RASGRP3: variants seen among roughly 807,000 people sequenced by gnomAD.
RASGRP3 encodes the protein ras guanyl-releasing protein 3.
Under a neutral mutation model 82.7 loss-of-function variants are expected in RASGRP3, and 54 were observed. That is an observed-to-expected ratio of 0.65 (90% CI 0.52 to 0.82). RASGRP3 has a LOEUF of 0.82. Ranked by LOEUF, RASGRP3 falls within the 40% of genes least tolerant of loss-of-function variation. The probability of loss-of-function intolerance (pLI) is 0.00; values close to 1 mark genes in which losing one functional copy is unlikely to be tolerated. For missense variants in RASGRP3, 861 were observed against 828.9 expected (o/e 1.04, Z -0.48); for synonymous variants, 309 against 300.5 (o/e 1.03, Z -0.29).
At chr2:33,524,611 T>C (rs758159889) in intron 9 of RASGRP3, 63 bp downstream of exon 9, 35 of 1,242,726 alleles carry the variant, frequency 2.8e-5, no homozygotes, top group Non-Finnish European at 4.0e-5. Flanking sequence ...TCAGGTTTAG[T>C]ATACGCCTAA....
At chr2:33,547,448 G>C (rs1337879690) in intron 13 of RASGRP3, among the ~76,000 whole-genome samples, 1 of 132,968 alleles carries the variant, frequency 7.5e-6, no homozygotes, top group Non-Finnish European at 1.5e-5. Context: ...AGGTAAGAAA[G>C]GGATCTTAAG....
intron 12 of RASGRP3, chr2:33,539,461 A>T: frequency 2.9e-6 from 1 of 348,610 alleles, no homozygotes; most frequent in South Asian, 6.6e-5. Flanking sequence ...TTTCACAGGC[A>T]TTTGCCACCT....
rs182999059 is a variant in RASGRP3, at chr2:33,510,216, A to T, written c.-260-1494A>T. Reference sequence around the variant, plus strand: ...GGAAGGATCTTCAAGAAATTCTTTTATCTTGGAATAGAGACAATGTGATAG... The same window carrying T: ...GGAAGGATCTTCAAGAAATTCTTTTTTCTTGGAATAGAGACAATGTGATAG... On this transcript the variant is annotated intron_variant, in intron 1 of 17. Transcript: ENST00000403687. Among the ~76,000 whole-genome samples, 1,437 of 152,354 alleles carry T rather than the reference A, an allele frequency of 9.4e-3. 19 individuals carry two copies. The highest frequency in any genetic ancestry group is 0.033 in the African/African-American group (1,384 of 41,582).
upstream of RASGRP3, among the ~76,000 whole-genome samples, chr2:33,472,630 G>A (rs925301831): frequency 1.3e-5 from 2 of 152,248 alleles, no homozygotes; most frequent in South Asian, 2.1e-4. Context: ...CCATGGGAGA[G>A]CTTTTCAAGG....
intron 1 of RASGRP3, among the ~76,000 whole-genome samples, chr2:33,508,812 A>G (rs1027135585): frequency 6.6e-6 from 1 of 152,178 alleles, no homozygotes; most frequent in African/African-American, 2.4e-5. Context: ...GAGGAAGTTT[A>G]GTGTTCCTTG....
At chr2:33,461,431 C>T (rs1004643934) in intron 2 of RASGRP3, among the ~76,000 whole-genome samples, 10 of 152,142 alleles carry the variant, frequency 6.6e-5, no homozygotes, top group Non-Finnish European at 1.2e-4. Context: ...GGTGCCGTCA[C>T]GACACTCAGC....
At chr2:33,506,988 G>T (rs980721890) in intron 1 of RASGRP3, among the ~76,000 whole-genome samples, 1 of 151,992 alleles carries the variant, frequency 6.6e-6, no homozygotes, top group South Asian at 2.1e-4. Context: ...CCTGATTGAA[G>T]AAAATAAAAT....
intron 1 of RASGRP3, among the ~76,000 whole-genome samples, chr2:33,489,938 T>C (rs1668708973): frequency 6.6e-6 from 1 of 152,206 alleles, no homozygotes; most frequent in African/African-American, 2.4e-5. Flanking sequence ...TTCTGGCTTT[T>C]TTCATCTTCA....
At chr2:33,497,663 C>T (rs182548950) in intron 1 of RASGRP3, among the ~76,000 whole-genome samples, 2 of 152,296 alleles carry the variant, frequency 1.3e-5, no homozygotes, top group Non-Finnish European at 2.9e-5. Context: ...ACTGAAATCT[C>T]CTGCTCTTTA....
chr2:33,455,759 A>G (rs1173920847), intron 2 of RASGRP3, among the ~76,000 whole-genome samples: 1 of 152,230 alleles, frequency 6.6e-6, no homozygotes, highest in Non-Finnish European at 1.5e-5. Flanking sequence ...AATGAATTGT[A>G]TCGTCTGGCC....
At chr2:33,442,088 T>TA (rs1480895117) in intron 1 of RASGRP3, among the ~76,000 whole-genome samples, 1 of 152,246 alleles carries the variant, frequency 6.6e-6, no homozygotes, top group Non-Finnish European at 1.5e-5. Flanking sequence ...CCCATTTGCT[T>TA]AAAAAATATA....
In RASGRP3 at chr2:33,524,358, A is replaced by G. The variant is rs1672319498; in HGVS notation, c.691-74A>G. On this transcript the variant is annotated intron_variant, in intron 8 of 17. Transcript: ENST00000403687. ...GCTTCTTGTTATTAAAATTGTGCATAAATTTACTTGTAATTCAGAAAGTTT... is the reference window on the plus strand; with the variant it reads ...GCTTCTTGTTATTAAAATTGTGCATGAATTTACTTGTAATTCAGAAAGTTT... The G allele has an allele frequency of 2.9e-6, 3 of 1,019,008 alleles. No individual in the cohort carries two copies. The Admixed American group carries it at 8.1e-5, about 28-fold the overall frequency. 63.1% of individuals were successfully genotyped at this position (1,019,008 alleles called of 1,614,324 possible). A position where few individuals can be genotyped will look rare whatever the true frequency, so the allele number is the denominator to read the frequency against.
chr2:33,473,469 G>A (rs552036199), upstream of RASGRP3, among the ~76,000 whole-genome samples: 10 of 152,292 alleles, frequency 6.6e-5, no homozygotes, highest in East Asian at 1.2e-3. Flanking sequence ...ATGAGCGCAC[G>A]CTGAGAGCAA....
intron 1 of RASGRP3, among the ~76,000 whole-genome samples, chr2:33,491,885 T>C (rs949619042): frequency 1.3e-5 from 2 of 152,238 alleles, no homozygotes; most frequent in Non-Finnish European, 2.9e-5. Context: ...CAATGGACTT[T>C]CTGGCATCTG....
At chr2:33,545,409 G>C (rs1341056067) in intron 13 of RASGRP3, among the ~76,000 whole-genome samples, 1 of 152,148 alleles carries the variant, frequency 6.6e-6, no homozygotes, top group Non-Finnish European at 1.5e-5. Flanking sequence ...AGAAACACAG[G>C]GTTAAATCTC....
rs913758973 is a variant in RASGRP3 at position 33,520,671 on chromosome 2, G to A, written c.355G>A (p.Asp119Asn). Reference sequence around the variant, plus strand: ...ATATGAAAAACACGTCAGCCTCATCGACATATCCAGCATGTAAGAGTGGCA... The same window carrying A: ...ATATGAAAAACACGTCAGCCTCATCAACATATCCAGCATGTAAGAGTGGCA... ...LGYEKHVSLI[D>N]ISSIPSYDWM... Residue 119 changes from aspartate (D) to asparagine (N), a missense_variant, in exon 6 of 18, where the codon GAC (aspartate) becomes AAC (asparagine). By Grantham distance (23) the Asp-to-Asn change is conservative. Transcript: ENST00000403687. 3.1e-6 allele frequency: 5 copies of A among 1,613,752 alleles called. No homozygotes were observed. Among genetic ancestry groups the A allele is most frequent in the African/African-American group, 2.7e-5 (2 of 74,924 alleles).
intron 14 of RASGRP3, among the ~76,000 whole-genome samples, chr2:33,552,301 G>T (rs1675449930): frequency 6.6e-6 from 1 of 152,134 alleles, no homozygotes; most frequent in African/African-American, 2.4e-5. Context: ...CCATCTTTGG[G>T]TCTATTTCTA....
At chr2:33,530,166 C>T (rs1321145576) in intron 10 of RASGRP3, among the ~76,000 whole-genome samples, 2 of 152,210 alleles carry the variant, frequency 1.3e-5, no homozygotes, top group Non-Finnish European at 2.9e-5. Flanking sequence ...AAGGCATCCA[C>T]ATGCCAGCAT....
intron 15 of RASGRP3, among the ~76,000 whole-genome samples, chr2:33,555,792 A>C (rs1412259265): frequency 6.6e-6 from 1 of 152,178 alleles, no homozygotes; most frequent in Non-Finnish European, 1.5e-5. Flanking sequence ...AACACACATA[A>C]ATCTAGTTCT....
Sources: allele counts gnomAD v4.1 joint callset (sites outside exome capture counted in the v4.1 genomes callset), GRCh38; gene constraint gnomAD v4.1.1; transcripts MANE v1.5; gene names NCBI Gene and HGNC (gene_info 2026-07-23, HGNC 2026-07-21).